Variants in NTRK3 observed in about 807,000 individuals in gnomAD.
NTRK3 encodes NT-3 growth factor receptor.
In NTRK3, 24 loss-of-function variants were observed where a neutral mutation model predicts 91.7. The ratio of observed to expected loss-of-function variants is 0.26; its 90% CI spans 0.19 to 0.37. NTRK3 has a LOEUF of 0.37. Among genes scored for constraint, NTRK3 ranks in the 10% least tolerant of loss-of-function variants. NTRK3 has a pLI of 1.00. For missense variants in NTRK3, 880 were observed against 1,068.9 expected (o/e 0.82, Z 2.46); for synonymous variants, 483 against 404.0 (o/e 1.20, Z -2.34).
intron 13 of NTRK3, among the ~76,000 whole-genome samples, chr15:88,095,485 G>A (rs1249560247): frequency 2.0e-5 from 3 of 152,168 alleles, no homozygotes; most frequent in African/African-American, 7.2e-5. Context: ...TGGGAAACCT[G>A]CTTGGAGTCA....
intron 13 of NTRK3, among the ~76,000 whole-genome samples, chr15:88,064,203 A>C (rs1371967149): frequency 1.3e-5 from 2 of 152,254 alleles, no homozygotes; most frequent in Non-Finnish European, 2.9e-5. Flanking sequence ...TCTCTTAAAA[A>C]GCCTTTGGCA....
chr15:87,977,679 G>C (rs935096349), intron 14 of NTRK3: 1 of 232,290 alleles, frequency 4.3e-6, no homozygotes, highest in Non-Finnish European at 8.5e-6. Context: ...GAGGGGGCGA[G>C]ATAAACACAC....
Position 88,105,432 on chromosome 15 carries a change from CCAA to C in NTRK3, c.1396+20836_1396+20838del, listed in dbSNP as rs1175437550. Among the ~76,000 whole-genome samples, 12 of 152,258 alleles carry C rather than the reference CCAA, an allele frequency of 7.9e-5. No individual in the cohort carries two copies. The East Asian group carries it at 2.1e-3, about 27-fold the overall frequency. On this transcript the variant is annotated intron_variant, in intron 13 of 18. Coordinates refer to ENST00000394480, the Ensembl canonical transcript of NTRK3. Reference sequence around the variant, plus strand: ...AGGTGTTCCAATCAGCTGGCTTATTCCAAGTAATGAGAAGAGAGGATCAGAAAG... The same window carrying C: ...AGGTGTTCCAATCAGCTGGCTTATTCGTAATGAGAAGAGAGGATCAGAAAG...
At chr15:87,980,751 G>A (rs2074187052) in intron 14 of NTRK3, among the ~76,000 whole-genome samples, 1 of 152,170 alleles carries the variant, frequency 6.6e-6, no homozygotes. Flanking sequence ...CATTTGGGGT[G>A]CTGGGACCCC....
chr15:88,118,663 T>A (rs2052370502), intron 13 of NTRK3, among the ~76,000 whole-genome samples: 1 of 152,232 alleles, frequency 6.6e-6, no homozygotes, highest in Non-Finnish European at 1.5e-5. Context: ...TAACTCATCT[T>A]CTGTTATAGT....
intron 11 of NTRK3, 95 bp from the exon 12 acceptor site, chr15:88,127,321 C>G: frequency 1.0e-6 from 1 of 995,274 alleles, no homozygotes; most frequent in Middle Eastern, 2.2e-4. Flanking sequence ...TCCCTTGAGA[C>G]TTCCCCCTGC....
chr15:88,030,495 G>T (rs189320343), intron 14 of NTRK3, among the ~76,000 whole-genome samples: 68 of 152,218 alleles, frequency 4.5e-4, no homozygotes, highest in African/African-American at 1.6e-3. Flanking sequence ...GGATAACCTG[G>T]TATCAGGAGC....
At chr15:88,244,212 G>A (rs2052626065) in intron 3 of NTRK3, among the ~76,000 whole-genome samples, 1 of 152,196 alleles carries the variant, frequency 6.6e-6, no homozygotes, top group Non-Finnish European at 1.5e-5. Flanking sequence ...CTCCCAGAAA[G>A]AGATAGATGG....
chr15:88,093,478 G>A (rs2049240631), intron 13 of NTRK3, among the ~76,000 whole-genome samples: 2 of 152,132 alleles, frequency 1.3e-5, no homozygotes, highest in Admixed American at 1.3e-4. Flanking sequence ...GCTTATGGAT[G>A]GGTGTCAGTT....
At chr15:88,173,291 G>A (rs562565875) in intron 5 of NTRK3, among the ~76,000 whole-genome samples, 1 of 152,284 alleles carries the variant, frequency 6.6e-6, no homozygotes, top group African/African-American at 2.4e-5. Context: ...AGCAGACAGA[G>A]CCTTGGAGCT....
At chr15:87,867,197 G>A in exon 19 of NTRK3, 1 of 225,428 alleles carries the variant, frequency 4.4e-6, no homozygotes, top group Non-Finnish European at 8.8e-6. Context: ...GGGCTGGAAA[G>A]ATACTGATGG....
intron 13 of NTRK3, among the ~76,000 whole-genome samples, chr15:88,081,909 C>T (rs545640251): frequency 3.9e-5 from 6 of 152,294 alleles, no homozygotes; most frequent in African/African-American, 1.4e-4. Flanking sequence ...TCTGTGTCAC[C>T]AAAACCCTGC....
At chr15:87,892,083 A>AACACACACACACAC (rs58946187) in intron 17 of NTRK3, among the ~76,000 whole-genome samples, 3,491 of 141,360 alleles carry the variant, frequency 0.025, 138 homozygotes, top group African/African-American at 0.072. Context: ...CCCCATCCCC[A>AACACACACACACAC]ACACACACAC....
intron 14 of NTRK3, among the ~76,000 whole-genome samples, chr15:88,015,185 T>TA (rs1212213734): frequency 7.9e-5 from 12 of 152,254 alleles, no homozygotes; most frequent in African/African-American, 2.9e-4. Context: ...ACAGTGTTGA[T>TA]AGTTTCTTCA....
intron 14 of NTRK3, among the ~76,000 whole-genome samples, chr15:87,988,252 G>A (rs75562066): frequency 1.2e-4 from 18 of 152,312 alleles, no homozygotes; most frequent in African/African-American, 3.8e-4. Flanking sequence ...TATTCTACAT[G>A]AAACCTGACC....
intron 13 of NTRK3, among the ~76,000 whole-genome samples, chr15:88,089,448 G>T (rs771479254): frequency 6.6e-6 from 1 of 152,162 alleles, no homozygotes; most frequent in Non-Finnish European, 1.5e-5. Context: ...TAAGTAAAAT[G>T]TCTAACATGG....
chr15:87,862,148 G>A (rs940695784), exon 19 of NTRK3: 1 of 219,148 alleles, frequency 4.6e-6, no homozygotes, highest in Admixed American at 5.8e-5. Context: ...AAATAATCTA[G>A]AGAATCTTGT....
At chr15:87,994,132 G>C (rs62019230) in intron 14 of NTRK3, among the ~76,000 whole-genome samples, 37,037 of 152,006 alleles carry the variant, frequency 0.24, 4,835 homozygotes, top group South Asian at 0.39. Context: ...GTGGGAAAGA[G>C]GCAGTGAGAA....
chr15:88,155,014 A>G (rs1359255917), intron 5 of NTRK3, among the ~76,000 whole-genome samples: 3 of 152,196 alleles, frequency 2.0e-5, no homozygotes, highest in Non-Finnish European at 4.4e-5. Context: ...CTGTTTTTAT[A>G]GTTCTACCAA....
Sources: allele counts gnomAD v4.1 joint callset (sites outside exome capture counted in the v4.1 genomes callset), GRCh38; gene constraint gnomAD v4.1.1; transcripts MANE v1.5; gene names NCBI Gene and HGNC (gene_info 2026-07-23, HGNC 2026-07-21).